KLHL3: variants seen among roughly 807,000 people sequenced by gnomAD.
The protein encoded by KLHL3 is kelch-like protein 3.
A neutral mutation model predicts 70.5 loss-of-function variants in KLHL3; 19 were observed. That is an observed-to-expected ratio of 0.27 (90% CI 0.19 to 0.40). The LOEUF is 0.40. Among genes scored for constraint, KLHL3 ranks in the 10% least tolerant of loss-of-function variants. The pLI, the probability that KLHL3 is intolerant of heterozygous loss-of-function variation, is 1.00. For missense variants in KLHL3, 512 were observed against 771.1 expected, an observed-to-expected ratio of 0.66 and a Z score of 3.98; for synonymous variants, 258 against 290.3, an observed-to-expected ratio of 0.89 and a Z score of 1.13.
In KLHL3 at chr5:137,735,692, C is replaced by T. The variant is rs749955702; in HGVS notation, c.-46G>A. Reference sequence around the variant, plus strand: ...TGGTAGCTGCTGAACTGTGTATGCACTCGGGGATCCTAGTTCTGTTCTTGA... The same window carrying T: ...TGGTAGCTGCTGAACTGTGTATGCATTCGGGGATCCTAGTTCTGTTCTTGA... On this transcript the variant is annotated 5_prime_UTR_variant, in exon 1 of 15. It adds an upstream start codon to the 5' untranslated region. Coordinates refer to ENST00000309755, the MANE Select transcript of KLHL3 (RefSeq NM_017415.3). 1.3e-5 allele frequency: 21 copies of T among 1,613,946 alleles called. No individual in the cohort carries two copies. In the African/African-American group the frequency reaches 2.5e-4, roughly 19 times the overall value.
At chr5:137,632,840 G>A (rs970225174) in intron 12 of KLHL3, among the ~76,000 whole-genome samples, 2 of 152,120 alleles carry the variant, frequency 1.3e-5, no homozygotes, top group African/African-American at 2.4e-5. Context: ...TAAAAAGCAG[G>A]CAAAGGATAT....
At chr5:137,725,072 T>C in intron 1 of KLHL3, 1 of 985,068 alleles carries the variant, frequency 1.0e-6, no homozygotes, top group South Asian at 4.7e-5. Context: ...TTCCAGATCT[T>C]AACTACTTAA....
intron 12 of KLHL3, among the ~76,000 whole-genome samples, chr5:137,630,804 T>A (rs1420950654): frequency 6.6e-6 from 1 of 151,900 alleles, no homozygotes; most frequent in African/African-American, 2.4e-5. Context: ...CAGCACCAAG[T>A]CCCGGGCCTC....
intron 5 of KLHL3, among the ~76,000 whole-genome samples, chr5:137,682,787 T>C (rs911026099): frequency 6.6e-6 from 1 of 152,218 alleles, no homozygotes; most frequent in Non-Finnish European, 1.5e-5. Flanking sequence ...AATATCTGTA[T>C]ATACCGAGCT....
chr5:137,735,432 G>C (rs893090429), intron 1 of KLHL3, among the ~76,000 whole-genome samples: 3 of 152,212 alleles, frequency 2.0e-5, no homozygotes, highest in African/African-American at 4.8e-5. Flanking sequence ...GCGGAAGCCA[G>C]ATCTCTGGAG....
intron 6 of KLHL3, among the ~76,000 whole-genome samples, chr5:137,667,862 A>C (rs1302367957): frequency 6.6e-6 from 1 of 152,236 alleles, no homozygotes; most frequent in African/African-American, 2.4e-5. Flanking sequence ...AGAAGGACTA[A>C]CTTTATTAAT....
rs1580723617 is a variant in KLHL3 at position 137,638,079 on chromosome 5, C to T, written c.1220-684G>A. 5.3e-5 allele frequency among the ~76,000 whole-genome samples: 8 copies of T among 152,302 alleles called. 1 individual carries two copies. Among genetic ancestry groups the T allele is most frequent in the Admixed American group, 5.2e-4 (8 of 15,304 alleles). On this transcript the variant is annotated intron_variant, in intron 10 of 14. Transcript: ENST00000309755. ...TTGTTTCATGAGTAAAGCAAAATCC[C>T]TCGTGTTTTAAGGCAGAGTATAATC...
chr5:137,626,996 C>A (rs1396176437), intron 13 of KLHL3, among the ~76,000 whole-genome samples: 21 of 145,256 alleles, frequency 1.4e-4, no homozygotes, highest in Non-Finnish European at 1.1e-4. Context: ...GATCCTGTCT[C>A]AAAAAAAAAA....
At chr5:137,690,898 G>A (rs73790033) in intron 5 of KLHL3, among the ~76,000 whole-genome samples, 1 of 152,274 alleles carries the variant, frequency 6.6e-6, no homozygotes, top group African/African-American at 2.4e-5. Context: ...TAAGAAGGAG[G>A]TGTTTTATTG....
At chr5:137,628,470 G>A in intron 12 of KLHL3, 33 bp from the exon 13 acceptor site, 1 of 1,612,540 alleles carries the variant, frequency 6.2e-7, no homozygotes, top group Non-Finnish European at 8.5e-7. Flanking sequence ...CCAGCCTCAT[G>A]CTGACTACAG....
rs1411072585 is a variant in KLHL3 at position 137,735,625 on chromosome 5, A to G, written c.14+8T>C. 6.2e-7 allele frequency: 1 copy of G among 1,605,172 alleles called. No individual in the cohort carries two copies. Reference sequence around the variant, plus strand: ...CACACAACACAGCACACACTTATACATACATACCTTTCACCCTCCATTGTG... The same window carrying G: ...CACACAACACAGCACACACTTATACGTACATACCTTTCACCCTCCATTGTG... On this transcript the variant is annotated splice_region_variant and intron_variant, in intron 1 of 14. Transcript: ENST00000309755.
intron 1 of KLHL3, among the ~76,000 whole-genome samples, chr5:137,732,641 A>G (rs1753197024): frequency 6.6e-6 from 1 of 152,028 alleles, no homozygotes; most frequent in Admixed American, 6.6e-5. Flanking sequence ...TTGGATGATA[A>G]AAAAAGAGAG....
chr5:137,688,647 T>C (rs1314402964), intron 5 of KLHL3, among the ~76,000 whole-genome samples: 1 of 152,236 alleles, frequency 6.6e-6, no homozygotes, highest in Non-Finnish European at 1.5e-5. Flanking sequence ...AGCTGTAGAA[T>C]GTAATAAACA....
At chr5:137,712,291 G>T (rs1469821445) in intron 2 of KLHL3, among the ~76,000 whole-genome samples, 1 of 152,074 alleles carries the variant, frequency 6.6e-6, no homozygotes, top group African/African-American at 2.4e-5. Context: ...CAAATGTCAG[G>T]GTGTGTTATC....
At chr5:137,710,384 A>G (rs925666587) in intron 2 of KLHL3, among the ~76,000 whole-genome samples, 1 of 152,162 alleles carries the variant, frequency 6.6e-6, no homozygotes, top group Non-Finnish European at 1.5e-5. Context: ...TTTCAACAAG[A>G]AGACTCTGCC....
intron 4 of KLHL3, among the ~76,000 whole-genome samples, chr5:137,694,969 A>G (rs1045010737): frequency 1.3e-5 from 2 of 152,036 alleles, no homozygotes; most frequent in African/African-American, 2.4e-5. Flanking sequence ...CCACCATCCA[A>G]GAGGATTTCT....
chr5:137,722,905 G>A (rs1389218621), intron 1 of KLHL3, among the ~76,000 whole-genome samples: 1 of 152,214 alleles, frequency 6.6e-6, no homozygotes, highest in African/African-American at 2.4e-5. Flanking sequence ...CTGGCCTCAA[G>A]TGATCTGCTC....
intron 1 of KLHL3, among the ~76,000 whole-genome samples, chr5:137,734,805 C>A: frequency 6.6e-6 from 1 of 152,316 alleles, no homozygotes; most frequent in South Asian, 2.1e-4. Context: ...TATTTTACTT[C>A]ATAGACAGAG....
At chr5:137,653,909 G>C (rs1398211007) in intron 8 of KLHL3, among the ~76,000 whole-genome samples, 1 of 152,230 alleles carries the variant, frequency 6.6e-6, no homozygotes, top group Non-Finnish European at 1.5e-5. Context: ...ATGTTACTTA[G>C]TGATAAAAAG....
Sources: allele counts gnomAD v4.1 joint callset (sites outside exome capture counted in the v4.1 genomes callset), GRCh38; gene constraint gnomAD v4.1.1; transcripts MANE v1.5; gene names NCBI Gene and HGNC (gene_info 2026-07-23, HGNC 2026-07-21).